SYT9: variants seen among roughly 807,000 people sequenced by gnomAD.
SYT9 encodes synaptotagmin-9.
Under a neutral mutation model 48.4 loss-of-function variants are expected in SYT9, and 22 were observed. The observed-to-expected ratio is 0.45, with a 90% CI of 0.32 to 0.65. The LOEUF is 0.65. Among genes scored for constraint, SYT9 ranks in the 30% least tolerant of loss-of-function variants. The pLI is 0.03. For synonymous variants in SYT9, 265 were observed against 245.0 expected, an observed-to-expected ratio of 1.08 and a Z score of -0.76; for missense variants, 577 against 622.0, an observed-to-expected ratio of 0.93 and a Z score of 0.77.
intron 1 of SYT9, among the ~76,000 whole-genome samples, chr11:7,242,818 TGA>T (rs1847752876): frequency 1.3e-5 from 2 of 152,012 alleles, no homozygotes; most frequent in Non-Finnish European, 2.9e-5. Flanking sequence ...GGCTAAGGCG[TGA>T]GAATCACCTG....
At chr11:7,315,860 ATTAT>A (rs979309014) in intron 3 of SYT9, among the ~76,000 whole-genome samples, 4 of 152,198 alleles carry the variant, frequency 2.6e-5, no homozygotes, top group Admixed American at 2.6e-4. Flanking sequence ...AGAATGTGAA[ATTAT>A]TTATCAGGGA....
In SYT9 at chr11:7,432,572, AAAAAAAAAAAATATATATAC is replaced by A. The variant is rs1847610346; in HGVS notation, c.1467+11939_1467+11958del. 4.0e-3 allele frequency among the ~76,000 whole-genome samples: 50 copies of A among 12,630 alleles called. 1 individual carries two copies. Among genetic ancestry groups the A allele is most frequent in the South Asian group, 8.1e-3 (2 of 248 alleles). 8.3% of individuals were successfully genotyped at this position (12,630 alleles called of 152,430 possible). A position where few individuals can be genotyped will look rare whatever the true frequency, so the allele number is the denominator to read the frequency against. On this transcript the variant is annotated intron_variant, in intron 6 of 6. Transcript: ENST00000318881. ...CAAAAAAAAAAAAAAAAAAAAAAAA[AAAAAAAAAAAATATATATAC>A]ATATATATATATATATATATATATA... is the stretch of plus-strand genomic sequence containing the variant.
In SYT9 at chr11:7,420,652, C is replaced by T. The variant is rs147868765; in HGVS notation, c.1467+17C>T. The T allele has an allele frequency of 1.7e-4, 276 of 1,613,952 alleles. 6 individuals are homozygous for T. In the East Asian group the frequency reaches 6.0e-3, roughly 35 times the overall value. ...CTGGTGGAGGTAAGACCCTAATCCA[C>T]ATGCTCCACTTTGCATAAGAGTAAA... On this transcript the variant is annotated intron_variant, in intron 6 of 6. Transcript: ENST00000318881.
intron 3 of SYT9, among the ~76,000 whole-genome samples, chr11:7,332,209 G>A (rs555301329): frequency 2.6e-4 from 40 of 152,334 alleles, no homozygotes; most frequent in Admixed American, 1.5e-3. Context: ...GAGCTCTGGA[G>A]CGTGAAGAGC....
chr11:7,243,898 G>A (rs572276666), intron 1 of SYT9, among the ~76,000 whole-genome samples: 1 of 152,200 alleles, frequency 6.6e-6, no homozygotes, highest in East Asian at 1.9e-4. Context: ...CCCAGGATGA[G>A]AGTCGTCAGC....
At chr11:7,271,467 G>A (rs528858978) in intron 1 of SYT9, among the ~76,000 whole-genome samples, 3 of 152,320 alleles carry the variant, frequency 2.0e-5, no homozygotes, top group African/African-American at 7.2e-5. Flanking sequence ...AGGCCCGCCA[G>A]TCATGCATTT....
intron 1 of SYT9, among the ~76,000 whole-genome samples, chr11:7,261,320 T>C (rs1260253443): frequency 6.6e-6 from 1 of 152,106 alleles, no homozygotes; most frequent in Non-Finnish European, 1.5e-5. Context: ...ATCCCTTAAT[T>C]AGGTATTCTG....
At chr11:7,406,535 CATATATATATATATAT>C (rs57371051) in intron 3 of SYT9, among the ~76,000 whole-genome samples, 45 of 135,354 alleles carry the variant, frequency 3.3e-4, no homozygotes, top group Admixed American at 8.2e-4. Flanking sequence ...TTCAATTGCG[CATATATATATATATAT>C]ATATATATAT....
At chr11:7,395,038 T>G (rs992449884) in intron 3 of SYT9, among the ~76,000 whole-genome samples, 3 of 151,996 alleles carry the variant, frequency 2.0e-5, no homozygotes, top group African/African-American at 7.2e-5. Flanking sequence ...TTTCCATAGG[T>G]TTTGGGGGAA....
chr11:7,273,205 A>T (rs1034613902), intron 1 of SYT9, among the ~76,000 whole-genome samples: 1 of 152,116 alleles, frequency 6.6e-6, no homozygotes, highest in African/African-American at 2.4e-5. Flanking sequence ...GGTTTTAGAA[A>T]TGTGTATTTA....
chr11:7,296,173 A>G (rs141591599), intron 1 of SYT9, among the ~76,000 whole-genome samples: 44 of 152,336 alleles, frequency 2.9e-4, no homozygotes, highest in Non-Finnish European at 5.7e-4. Flanking sequence ...CCCCTAAGAG[A>G]TAGGTACTAT....
chr11:7,403,916 T>C (rs758442289), intron 3 of SYT9, among the ~76,000 whole-genome samples: 2 of 152,172 alleles, frequency 1.3e-5, no homozygotes, highest in Non-Finnish European at 2.9e-5. Context: ...CTCACAGTTC[T>C]TTTAGTTTTT....
chr11:7,304,541 G>A (rs960407716), intron 2 of SYT9, among the ~76,000 whole-genome samples: 1 of 152,152 alleles, frequency 6.6e-6, no homozygotes, highest in Non-Finnish European at 1.5e-5. Context: ...CCCTTTTTAT[G>A]TTAATCGAGT....
chr11:7,300,633 G>A (rs1848901507), intron 1 of SYT9, among the ~76,000 whole-genome samples: 1 of 152,262 alleles, frequency 6.6e-6, no homozygotes, highest in Non-Finnish European at 1.5e-5. Context: ...TTAACAGAAT[G>A]TAGAGAAGAA....
chr11:7,420,010 C>T (rs1847320929), intron 5 of SYT9, among the ~76,000 whole-genome samples: 1 of 152,178 alleles, frequency 6.6e-6, no homozygotes, highest in Non-Finnish European at 1.5e-5. Flanking sequence ...AAGTATAAGA[C>T]AATAACAGTA....
At chr11:7,313,047 T>C (rs1849169315) in intron 2 of SYT9, among the ~76,000 whole-genome samples, 1 of 152,246 alleles carries the variant, frequency 6.6e-6, no homozygotes, top group South Asian at 2.1e-4. Context: ...TTGAATAATT[T>C]TATTTTTAAA....
chr11:7,318,621 T>C (rs975297317), intron 3 of SYT9, among the ~76,000 whole-genome samples: 2 of 152,216 alleles, frequency 1.3e-5, no homozygotes, highest in African/African-American at 4.8e-5. Flanking sequence ...GCCTTAGCTA[T>C]GTATATTTTG....
chr11:7,416,192 A>C (rs1373775042), intron 4 of SYT9, 30 bp downstream of exon 4: 2 of 1,613,442 alleles, frequency 1.2e-6, no homozygotes, highest in Non-Finnish European at 8.5e-7. Flanking sequence ...AGACTTCCTC[A>C]TGCACTTCTA....
chr11:7,325,511 G>T, intron 3 of SYT9, among the ~76,000 whole-genome samples: 2 of 60,970 alleles, frequency 3.3e-5, no homozygotes, highest in Non-Finnish European at 6.0e-5. Flanking sequence ...GGAGATTTTG[G>T]GCTGAGACGA....
Sources: allele counts gnomAD v4.1 joint callset (sites outside exome capture counted in the v4.1 genomes callset), GRCh38; gene constraint gnomAD v4.1.1; transcripts MANE v1.5; gene names NCBI Gene and HGNC (gene_info 2026-07-23, HGNC 2026-07-21).